Variants in DENND1A observed in about 807,000 individuals in gnomAD.
DENND1A encodes the protein DENN domain-containing protein 1A.
A neutral mutation model predicts 113.7 loss-of-function variants in DENND1A; 51 were observed. That is an observed-to-expected ratio of 0.45 (90% CI 0.36 to 0.57). The LOEUF is 0.57. DENND1A is among the 20% of genes least tolerant of loss of function. DENND1A has a pLI of 0.00. For missense variants in DENND1A, 1,258 were observed against 1,395.9 expected (o/e 0.90, Z 1.57); for synonymous variants, 565 against 570.8 (o/e 0.99, Z 0.14).
At chr9:123,768,771 T>C (rs1829246778) in intron 4 of DENND1A, among the ~76,000 whole-genome samples, 1 of 149,680 alleles carries the variant, frequency 6.7e-6, no homozygotes. Context: ...ATTTTATTAA[T>C]ATAGTTAATA....
At chr9:123,834,655 C>T (rs1370730414) in intron 2 of DENND1A, among the ~76,000 whole-genome samples, 1 of 152,178 alleles carries the variant, frequency 6.6e-6, no homozygotes, top group Non-Finnish European at 1.5e-5. Flanking sequence ...TATAGCTCTG[C>T]ACCAGAACAG....
At chr9:123,470,073 G>C (rs1054040044) in intron 13 of DENND1A, among the ~76,000 whole-genome samples, 1 of 152,244 alleles carries the variant, frequency 6.6e-6, no homozygotes, top group African/African-American at 2.4e-5. Context: ...TTGGAGAAAT[G>C]AAGTGGGTTT....
At chr9:123,557,493 G>T in intron 13 of DENND1A, 77 bp downstream of exon 13, 2 of 1,559,788 alleles carry the variant, frequency 1.3e-6, no homozygotes, top group Non-Finnish European at 8.7e-7. Flanking sequence ...AAGAATCATG[G>T]CATTTCTTGT....
intron 7 of DENND1A, among the ~76,000 whole-genome samples, chr9:123,670,236 A>G (rs1291132664): frequency 6.6e-6 from 1 of 152,158 alleles, no homozygotes; most frequent in Non-Finnish European, 1.5e-5. Context: ...ACTGAATACC[A>G]ACACTGTACC....
chr9:123,541,300 G>A (rs1036280023), intron 13 of DENND1A, among the ~76,000 whole-genome samples: 1 of 152,042 alleles, frequency 6.6e-6, no homozygotes, highest in Non-Finnish European at 1.5e-5. Context: ...ATACATAAAG[G>A]GCAAGAAGTA....
chr9:123,686,453 G>C (rs529910695), intron 5 of DENND1A, among the ~76,000 whole-genome samples: 1 of 152,296 alleles, frequency 6.6e-6, no homozygotes, highest in Non-Finnish European at 1.5e-5. Flanking sequence ...ATAAAGGAAA[G>C]CTTGCCTCCA....
At chr9:123,847,842 G>T (rs946659987) in intron 2 of DENND1A, among the ~76,000 whole-genome samples, 1 of 152,330 alleles carries the variant, frequency 6.6e-6, no homozygotes, top group African/African-American at 2.4e-5. Context: ...AGCTGAGGCA[G>T]GAGAATTGTT....
At chr9:123,707,286 C>G (rs1209757976) in intron 5 of DENND1A, among the ~76,000 whole-genome samples, 5 of 151,890 alleles carry the variant, frequency 3.3e-5, no homozygotes, top group African/African-American at 9.7e-5. Context: ...CCCAGCTACT[C>G]GCGAGGCTGA....
chr9:123,685,062 G>A (rs913694050), intron 5 of DENND1A, among the ~76,000 whole-genome samples: 1 of 152,146 alleles, frequency 6.6e-6, no homozygotes, highest in Non-Finnish European at 1.5e-5. Context: ...TACTGGCTGT[G>A]GCCTGAGCCA....
chr9:123,460,550 C>T (rs1193996331), intron 13 of DENND1A, among the ~76,000 whole-genome samples: 1 of 152,244 alleles, frequency 6.6e-6, no homozygotes, highest in Non-Finnish European at 1.5e-5. Flanking sequence ...CAAGACTGCG[C>T]CCCAAATCTA....
intron 1 of DENND1A, among the ~76,000 whole-genome samples, chr9:123,900,207 T>C (rs140530667): frequency 2.1e-4 from 32 of 152,312 alleles, no homozygotes; most frequent in African/African-American, 7.7e-4. Flanking sequence ...GAGTTAAACA[T>C]ATAAATAGAC....
At chr9:123,758,468 C>T (rs530908286) in intron 4 of DENND1A, among the ~76,000 whole-genome samples, 58 of 152,296 alleles carry the variant, frequency 3.8e-4, no homozygotes, top group Middle Eastern at 3.4e-3. Context: ...AACTGAATCA[C>T]GTTCACACAG....
At chr9:123,929,298 A>G (rs1857601722) in intron 1 of DENND1A, among the ~76,000 whole-genome samples, 1 of 152,212 alleles carries the variant, frequency 6.6e-6, no homozygotes, top group South Asian at 2.1e-4. Flanking sequence ...GTTACAACAC[A>G]GAGGTATCCT....
intron 13 of DENND1A, among the ~76,000 whole-genome samples, chr9:123,554,271 G>A (rs1371592801): frequency 6.6e-6 from 1 of 152,162 alleles, no homozygotes; most frequent in Non-Finnish European, 1.5e-5. Context: ...TGCCCAGGCT[G>A]GAATGCAGTG....
chr9:123,655,339 G>T (rs1033324411), intron 8 of DENND1A, among the ~76,000 whole-genome samples: 20 of 152,288 alleles, frequency 1.3e-4, no homozygotes, highest in African/African-American at 4.8e-4. Flanking sequence ...TGAGGGTGCT[G>T]GTCCCTCACT....
chr9:123,420,186 G>A (rs1273759426), intron 19 of DENND1A, among the ~76,000 whole-genome samples: 1 of 152,236 alleles, frequency 6.6e-6, no homozygotes, highest in African/African-American at 2.4e-5. Flanking sequence ...GAAAGGAAGG[G>A]AGGCTGGGAG....
At chr9:123,604,746 C>T (rs774049473) in intron 11 of DENND1A, among the ~76,000 whole-genome samples, 86 of 152,156 alleles carry the variant, frequency 5.7e-4, no homozygotes, top group African/African-American at 1.9e-3. Context: ...CAGGAGAAAA[C>T]GAGGCAGGCA....
At chr9:123,882,761 A>G (rs1448517895) in intron 1 of DENND1A, among the ~76,000 whole-genome samples, 1 of 152,218 alleles carries the variant, frequency 6.6e-6, no homozygotes, top group Non-Finnish European at 1.5e-5. Context: ...AAGTCAAGTC[A>G]AAGTTGTAGT....
Position 123,667,007 on chromosome 9 carries a change from C to A in DENND1A, c.507+19G>T. 1 of 1,570,148 alleles carries A rather than the reference C, an allele frequency of 6.4e-7. No individual in the cohort carries two copies. Among genetic ancestry groups the A allele is most frequent in the Non-Finnish European group, 8.6e-7 (1 of 1,165,178 alleles). On this transcript the variant is annotated intron_variant, in intron 8 of 23. Coordinates refer to ENST00000394215, the MANE Select transcript of DENND1A (RefSeq NM_001352964.2). ...GAGAAGAATAAAAATTTAATTTTTT[C>A]TTCTTCCCAAGTACTTACATTCTCA...
Sources: gnomAD v4.1 joint callset for allele counts (sites outside exome capture counted in the v4.1 genomes callset) on GRCh38, gnomAD v4.1.1 for gene constraint, MANE v1.5 for transcripts, NCBI Gene and HGNC (gene_info 2026-07-23, HGNC 2026-07-21) for gene names.